Variants in CHCHD6 observed in about 807,000 individuals in gnomAD.
The protein encoded by CHCHD6 is coiled-coil-helix-coiled-coil-helix domain containing 6.
Under a neutral mutation model 32.3 loss-of-function variants are expected in CHCHD6, and 28 were observed. The ratio of observed to expected loss-of-function variants is 0.87; its 90% confidence interval spans 0.64 to 1.19. The LOEUF is 1.19. CHCHD6 is among the 50% of genes most tolerant of loss of function. CHCHD6 has a pLI of 0.00. For synonymous variants in CHCHD6, 122 were observed against 117.5 expected (o/e 1.04, Z -0.25); for missense variants, 333 against 307.0 (o/e 1.08, Z -0.63).
intron 1 of CHCHD6, among the ~76,000 whole-genome samples, chr3:126,721,800 T>C (rs1394890427): frequency 7.2e-6 from 1 of 139,354 alleles, no homozygotes. Flanking sequence ...CAGTCACGAA[T>C]CTACTTTTGT....
At chr3:126,896,445 A>G (rs945641330) in intron 5 of CHCHD6, among the ~76,000 whole-genome samples, 1 of 152,136 alleles carries the variant, frequency 6.6e-6, no homozygotes, top group Non-Finnish European at 1.5e-5. Context: ...TGCCTGCTCT[A>G]TGCTTAGCTG....
intron 4 of CHCHD6, among the ~76,000 whole-genome samples, chr3:126,806,310 A>G (rs965682545): frequency 1.3e-5 from 2 of 152,232 alleles, no homozygotes; most frequent in African/African-American, 4.8e-5. Flanking sequence ...CATCTGACAA[A>G]GGACTAATAT....
At chr3:126,866,061 A>G (rs1942281869) in intron 5 of CHCHD6, among the ~76,000 whole-genome samples, 1 of 152,190 alleles carries the variant, frequency 6.6e-6, no homozygotes, top group African/African-American at 2.4e-5. Flanking sequence ...CTGAGAGGTT[A>G]AGAGTTGGCC....
At chr3:126,762,218 T>C (rs912444115) in intron 4 of CHCHD6, among the ~76,000 whole-genome samples, 25 of 152,310 alleles carry the variant, frequency 1.6e-4, no homozygotes, top group Non-Finnish European at 2.9e-4. Flanking sequence ...TTTTTCTAGT[T>C]CTTTAAGTTA....
At chr3:126,729,916 G>A (rs558765369) in intron 2 of CHCHD6, among the ~76,000 whole-genome samples, 1 of 152,126 alleles carries the variant, frequency 6.6e-6, no homozygotes, top group Non-Finnish European at 1.5e-5. Flanking sequence ...CTGGGGACAG[G>A]GTAGTAACAA....
intron 4 of CHCHD6, among the ~76,000 whole-genome samples, chr3:126,775,691 C>T (rs1292154875): frequency 6.6e-6 from 1 of 152,224 alleles, no homozygotes; most frequent in Admixed American, 6.5e-5. Context: ...GGAAAGTCCC[C>T]ATGTAACTCA....
intron 4 of CHCHD6, among the ~76,000 whole-genome samples, chr3:126,834,574 A>G (rs1352882160): frequency 6.6e-6 from 1 of 152,122 alleles, no homozygotes; most frequent in Non-Finnish European, 1.5e-5. Flanking sequence ...TACTCTTGCT[A>G]CTACTGCTGT....
At chr3:126,823,640 A>C (rs367738678) in intron 4 of CHCHD6, among the ~76,000 whole-genome samples, 6 of 152,216 alleles carry the variant, frequency 3.9e-5, no homozygotes, top group South Asian at 2.1e-4. Context: ...CATGTCATCT[A>C]AAAGTCCTAT....
chr3:126,903,156 G>A (rs2077955547), intron 5 of CHCHD6, among the ~76,000 whole-genome samples: 1 of 152,176 alleles, frequency 6.6e-6, no homozygotes, highest in Admixed American at 6.5e-5. Flanking sequence ...GAAACGCTGA[G>A]TGCAGTGCCT....
At position 126,845,914 on chromosome 3, in the gene CHCHD6, C is replaced by G. The variant is rs537641766; in HGVS notation, c.412-6733C>G. ...AGTCAGAATCTATTTTTTCAGAACT[C>G]TGAAAATTGATCAAAGGCTTGCAGC... is the stretch of plus-strand genomic sequence containing the variant. On this transcript the variant is annotated intron_variant, in intron 4 of 7. Coordinates refer to ENST00000290913, the MANE Select transcript of CHCHD6 (RefSeq NM_032343.3). Among the ~76,000 whole-genome samples, 3 of 152,250 alleles carry G rather than the reference C, an allele frequency of 2.0e-5. No individual in the cohort carries two copies. The South Asian group carries it at 6.2e-4, about 32-fold the overall frequency.
chr3:126,865,590 C>T (rs376477922), intron 5 of CHCHD6: 192 of 985,318 alleles, frequency 1.9e-4, no homozygotes, highest in South Asian at 1.4e-3. Flanking sequence ...CTTCCTCTAC[C>T]ACCTCCACAC....
intron 4 of CHCHD6, among the ~76,000 whole-genome samples, chr3:126,820,700 G>A (rs184231229): frequency 8.5e-4 from 129 of 152,246 alleles, no homozygotes; most frequent in Non-Finnish European, 1.3e-3. Context: ...CAATTGCTGG[G>A]TCTCAGAGTA....
At chr3:126,815,897 C>T (rs939661113) in intron 4 of CHCHD6, among the ~76,000 whole-genome samples, 1 of 152,170 alleles carries the variant, frequency 6.6e-6, no homozygotes, top group African/African-American at 2.4e-5. Context: ...GGCACAGAGC[C>T]TTCCTCCCCA....
At chr3:126,908,419 C>A (rs898036486) in intron 5 of CHCHD6, among the ~76,000 whole-genome samples, 2 of 152,248 alleles carry the variant, frequency 1.3e-5, no homozygotes, top group Non-Finnish European at 2.9e-5. Context: ...TAGTGGGAAT[C>A]AGCAAACTTT....
At chr3:126,748,761 C>G (rs950392303) in intron 4 of CHCHD6, among the ~76,000 whole-genome samples, 12 of 152,152 alleles carry the variant, frequency 7.9e-5, no homozygotes, top group African/African-American at 1.2e-4. Context: ...TATCCTGCCC[C>G]CTTTCTGCAT....
chr3:126,772,216 C>A (rs1937555380), intron 4 of CHCHD6, among the ~76,000 whole-genome samples: 1 of 152,180 alleles, frequency 6.6e-6, no homozygotes, highest in South Asian at 2.1e-4. Context: ...ATTCTCCTGC[C>A]TCAGCCTCCC....
intron 5 of CHCHD6, among the ~76,000 whole-genome samples, chr3:126,887,661 C>G (rs982017493): frequency 1.6e-4 from 25 of 152,164 alleles, no homozygotes; most frequent in African/African-American, 6.0e-4. Flanking sequence ...CTGTTCTGGC[C>G]TTCAGGGACT....
At chr3:126,869,845 A>G (rs2077441335) in intron 5 of CHCHD6, among the ~76,000 whole-genome samples, 1 of 152,190 alleles carries the variant, frequency 6.6e-6, no homozygotes, top group African/African-American at 2.4e-5. Flanking sequence ...TGGACAAAAA[A>G]TTGTGTTTTG....
chr3:126,959,445 G>A (rs2078830276), intron 7 of CHCHD6, among the ~76,000 whole-genome samples: 1 of 152,268 alleles, frequency 6.6e-6, no homozygotes, highest in Admixed American at 6.5e-5. Context: ...AAGTGCTGGA[G>A]AAACTCTCAC....
Sources: allele counts gnomAD v4.1 joint callset (sites outside exome capture counted in the v4.1 genomes callset), GRCh38; gene constraint gnomAD v4.1.1; transcripts MANE v1.5; gene names NCBI Gene and HGNC (gene_info 2026-07-23, HGNC 2026-07-21).